Variants in KCNH8 observed in about 807,000 individuals in gnomAD.
KCNH8 encodes the protein potassium voltage-gated channel subfamily H member 8, also known as voltage-gated delayed rectifier potassium channel KCNH8.
KCNH8 carries 70 observed loss-of-function variants against 103.6 expected under a neutral mutation model. That is an observed-to-expected ratio of 0.68 (90% confidence interval 0.56 to 0.82). KCNH8 has a LOEUF of 0.82. Among genes scored for constraint, KCNH8 ranks in the 40% least tolerant of loss-of-function variants. The pLI is 0.00. For missense variants in KCNH8, 1,217 were observed against 1,329.9 expected, an observed-to-expected ratio of 0.92 and a Z score of 1.32; for synonymous variants, 498 against 489.4, an observed-to-expected ratio of 1.02 and a Z score of -0.23.
At chr3:19,186,370 T>A (rs954154578) in intron 1 of KCNH8, among the ~76,000 whole-genome samples, 8 of 151,970 alleles carry the variant, frequency 5.3e-5, no homozygotes, top group African/African-American at 1.9e-4. Flanking sequence ...CACATGCCTT[T>A]TGTTTCATTT....
chr3:19,346,386 A>C (rs537990405), intron 4 of KCNH8, among the ~76,000 whole-genome samples: 7 of 152,198 alleles, frequency 4.6e-5, no homozygotes, highest in African/African-American at 1.7e-4. Context: ...TGTATGAAAC[A>C]TAGATGCAGT....
At chr3:19,265,944 G>A (rs2064504061) in intron 2 of KCNH8, among the ~76,000 whole-genome samples, 2 of 152,006 alleles carry the variant, frequency 1.3e-5, no homozygotes, top group African/African-American at 4.8e-5. Flanking sequence ...TCTTAGGTCA[G>A]ACCCTTACAA....
At chr3:19,483,677 T>C (rs149789774) in intron 11 of KCNH8, among the ~76,000 whole-genome samples, 6,498 of 152,306 alleles carry the variant, frequency 0.043, 466 homozygotes, top group African/African-American at 0.15. Flanking sequence ...TAGTTCATCA[T>C]AGAAAGTTTA....
intron 7 of KCNH8, among the ~76,000 whole-genome samples, chr3:19,424,702 G>A (rs1157813756): frequency 6.6e-6 from 1 of 152,068 alleles, no homozygotes; most frequent in Non-Finnish European, 1.5e-5. Flanking sequence ...CTATGCATCT[G>A]ACAAAGGACT....
chr3:19,428,862 T>C (rs2067068321), intron 7 of KCNH8, among the ~76,000 whole-genome samples: 1 of 152,152 alleles, frequency 6.6e-6, no homozygotes, highest in African/African-American at 2.4e-5. Context: ...ATCTGACACA[T>C]TTCTCTCTAC....
chr3:19,403,825 G>A (rs1391878471), intron 7 of KCNH8, among the ~76,000 whole-genome samples: 1 of 151,862 alleles, frequency 6.6e-6, no homozygotes, highest in Admixed American at 6.6e-5. Flanking sequence ...TCATTCTGTA[G>A]TGATGATGCT....
chr3:19,454,843 CT>C (rs2067506331), intron 10 of KCNH8, among the ~76,000 whole-genome samples: 1 of 152,048 alleles, frequency 6.6e-6, no homozygotes, highest in Non-Finnish European at 1.5e-5. Context: ...ATTCTAAACA[CT>C]GGTATGTGGT....
At chr3:19,356,879 G>A (rs1403291166) in intron 5 of KCNH8, among the ~76,000 whole-genome samples, 1 of 151,516 alleles carries the variant, frequency 6.6e-6, no homozygotes, top group African/African-American at 2.4e-5. Context: ...GAAAAAGAAA[G>A]ACCACCTCCT....
At chr3:19,173,837 T>C (rs1002936654) in intron 1 of KCNH8, among the ~76,000 whole-genome samples, 1 of 152,060 alleles carries the variant, frequency 6.6e-6, no homozygotes, top group Non-Finnish European at 1.5e-5. Context: ...TCAAAGTAAA[T>C]AATTCTCTTT....
intron 1 of KCNH8, among the ~76,000 whole-genome samples, chr3:19,223,480 A>G (rs762549061): frequency 6.6e-6 from 1 of 152,158 alleles, no homozygotes; most frequent in Non-Finnish European, 1.5e-5. Flanking sequence ...TTATCTTTAT[A>G]TCATTCCAAC....
chr3:19,307,271 AAAAC>A (rs548552441), intron 3 of KCNH8, among the ~76,000 whole-genome samples: 44 of 152,206 alleles, frequency 2.9e-4, no homozygotes, highest in African/African-American at 8.7e-4. Context: ...TTTTCAAAAG[AAAAC>A]AAACCAATGG....
At chr3:19,480,831 A>G (rs2068072797) in intron 11 of KCNH8, among the ~76,000 whole-genome samples, 1 of 152,228 alleles carries the variant, frequency 6.6e-6, no homozygotes, top group African/African-American at 2.4e-5. Context: ...TTCATGCCAA[A>G]AAAACAATTA....
chr3:19,293,618 G>T (rs1005783129), intron 3 of KCNH8, among the ~76,000 whole-genome samples: 1 of 152,166 alleles, frequency 6.6e-6, no homozygotes, highest in Non-Finnish European at 1.5e-5. Flanking sequence ...CAACCATCCA[G>T]ATTAAGCTAA....
intron 5 of KCNH8, among the ~76,000 whole-genome samples, chr3:19,354,221 A>G (rs2065846216): frequency 6.6e-6 from 1 of 152,184 alleles, no homozygotes; most frequent in Non-Finnish European, 1.5e-5. Flanking sequence ...CTGCTCATCG[A>G]AGTAAAAGAG....
chr3:19,398,878 G>A (rs1409059618), intron 7 of KCNH8, among the ~76,000 whole-genome samples: 6 of 151,970 alleles, frequency 3.9e-5, no homozygotes, highest in Admixed American at 3.3e-4. Flanking sequence ...TTTTATGTAC[G>A]AAAGTTACTA....
In KCNH8 at chr3:19,517,984, G is replaced by T. The variant is rs974545787; in HGVS notation, c.2543-14G>T. The T allele has an allele frequency of 3.1e-6, 5 of 1,607,554 alleles. No individual in the cohort carries two copies. The highest frequency in any genetic ancestry group is 4.3e-6 in the Non-Finnish European group (5 of 1,174,710). ...TTCCTAAAGGACTCATTCTGTATGT[G>T]TGTCACTTTTCAGATCCAGAGATTG... On this transcript the variant is annotated splice_polypyrimidine_tract_variant and intron_variant, in intron 14 of 15. Coordinates refer to ENST00000328405, the MANE Select transcript of KCNH8 (RefSeq NM_144633.3).
At chr3:19,246,443 A>G (rs2064207900) in intron 1 of KCNH8, among the ~76,000 whole-genome samples, 1 of 151,340 alleles carries the variant, frequency 6.6e-6, no homozygotes, top group African/African-American at 2.4e-5. Context: ...TGCCCAGCTA[A>G]TTTTTGTATT....
At chr3:19,256,552 C>T (rs898456936) in intron 2 of KCNH8, among the ~76,000 whole-genome samples, 1 of 152,046 alleles carries the variant, frequency 6.6e-6, no homozygotes, top group Non-Finnish European at 1.5e-5. Flanking sequence ...CTGAAATATC[C>T]GCTGACTGCA....
At chr3:19,456,495 A>G (rs1186349701) in intron 10 of KCNH8, among the ~76,000 whole-genome samples, 5 of 152,030 alleles carry the variant, frequency 3.3e-5, no homozygotes, top group African/African-American at 1.2e-4. Flanking sequence ...TAACATTCCA[A>G]AGATATAGCT....
Sources: allele counts gnomAD v4.1 joint callset (sites outside exome capture counted in the v4.1 genomes callset), GRCh38; gene constraint gnomAD v4.1.1; transcripts MANE v1.5; gene names NCBI Gene and HGNC (gene_info 2026-07-23, HGNC 2026-07-21).